Variants in NBEA observed in about 807,000 individuals in gnomAD.
The protein encoded by NBEA is neurobeachin.
A neutral mutation model predicts 343.4 loss-of-function variants in NBEA; 44 were observed. The observed-to-expected ratio is 0.13, with a 90% CI of 0.10 to 0.16. The LOEUF (loss-of-function observed/expected upper bound fraction) is 0.16, where lower values mean the gene tolerates loss of function less well. Ranked by LOEUF, NBEA falls within the 10% of genes least tolerant of loss-of-function variation. The pLI, the probability that NBEA is intolerant of heterozygous loss-of-function variation, is 1.00. For missense variants in NBEA, 2,555 were observed against 3,631.3 expected, an observed-to-expected ratio of 0.70 and a Z score of 7.62; for synonymous variants, 1,175 against 1,238.7, an observed-to-expected ratio of 0.95 and a Z score of 1.08.
intron 53 of NBEA, among the ~76,000 whole-genome samples, chr13:35,653,818 C>G (rs1308771273): frequency 6.6e-6 from 1 of 152,080 alleles, no homozygotes; most frequent in African/African-American, 2.4e-5. Flanking sequence ...TAGACATTGA[C>G]AATGAAATAT....
intron 38 of NBEA, among the ~76,000 whole-genome samples, chr13:35,392,280 A>C (rs956511441): frequency 6.6e-6 from 1 of 152,118 alleles, no homozygotes; most frequent in Non-Finnish European, 1.5e-5. Flanking sequence ...GAGAAATATT[A>C]TTGAAAATAA....
chr13:35,369,156 ATTTTTTT>A (rs36109768), intron 38 of NBEA, among the ~76,000 whole-genome samples: 1 of 128,320 alleles, frequency 7.8e-6, no homozygotes, highest in Admixed American at 8.1e-5. Flanking sequence ...TGCCAGCACC[ATTTTTTT>A]TTTTTTTTTT....
At chr13:35,646,060 C>T (rs2084214467) in intron 50 of NBEA, 129 bp downstream of exon 50, 3 of 723,670 alleles carry the variant, frequency 4.1e-6, no homozygotes, top group Non-Finnish European at 6.9e-6. Context: ...TTAACTGAAG[C>T]ATGTTTGGAA....
chr13:35,130,147 C>T (rs1421846714), intron 17 of NBEA, among the ~76,000 whole-genome samples: 1 of 152,082 alleles, frequency 6.6e-6, no homozygotes, highest in Admixed American at 6.6e-5. Context: ...GTGGGGAAAG[C>T]TGTGTATATG....
chr13:35,596,282 A>G (rs745830206), intron 47 of NBEA, among the ~76,000 whole-genome samples: 2 of 152,160 alleles, frequency 1.3e-5, no homozygotes, highest in Non-Finnish European at 2.9e-5. Context: ...TTATCAGAGA[A>G]AAATATGTTG....
chr13:35,622,872 C>CT (rs964919712), intron 48 of NBEA, among the ~76,000 whole-genome samples: 2 of 151,790 alleles, frequency 1.3e-5, no homozygotes, highest in African/African-American at 2.4e-5. Context: ...AGTCTACTTT[C>CT]TTTTTTTTCA....
chr13:35,537,571 G>C (rs2078622165), intron 41 of NBEA, among the ~76,000 whole-genome samples: 1 of 152,130 alleles, frequency 6.6e-6, no homozygotes, highest in African/African-American at 2.4e-5. Context: ...GCTGTGAAGA[G>C]AACTTGTCTC....
intron 46 of NBEA, among the ~76,000 whole-genome samples, chr13:35,591,372 T>G (rs546287599): frequency 6.6e-6 from 1 of 152,218 alleles, no homozygotes; most frequent in South Asian, 2.1e-4. Flanking sequence ...TTTTTAATAG[T>G]GAATTAAACA....
chr13:35,612,555 G>T (rs1409849676), intron 48 of NBEA, among the ~76,000 whole-genome samples: 1 of 152,158 alleles, frequency 6.6e-6, no homozygotes, highest in Non-Finnish European at 1.5e-5. Flanking sequence ...TATAGACACA[G>T]AATTTGTGTT....
intron 44 of NBEA, among the ~76,000 whole-genome samples, chr13:35,560,330 ATGATT>A (rs2079803123): frequency 6.6e-6 from 1 of 152,190 alleles, no homozygotes; most frequent in Non-Finnish European, 1.5e-5. Flanking sequence ...TAAATAATTA[ATGATT>A]TAAAACAATT....
rs201825658 is a variant in NBEA at position 35,475,818 on chromosome 13, C to T, written c.6585+3282C>T. ...ATTCCACCCAGAGGGACATGCTCCT[C>T]TTGCGCCCGTCGCTCAACTTCAGCA... On this transcript the variant is annotated intron_variant, in intron 41 of 58. Coordinates refer to ENST00000379939, the MANE Select transcript of NBEA (RefSeq NM_001385012.1). 1.4e-5 allele frequency: 23 copies of T among 1,614,084 alleles called. No homozygotes were observed. The East Asian group carries it at 4.5e-4, about 31-fold the overall frequency.
chr13:35,371,186 T>C (rs1459836642), intron 38 of NBEA, among the ~76,000 whole-genome samples: 2 of 152,148 alleles, frequency 1.3e-5, no homozygotes, highest in Non-Finnish European at 2.9e-5. Flanking sequence ...ATCCAGCTAT[T>C]ATTTTCTTAA....
chr13:35,128,210 A>G (rs758496920), intron 17 of NBEA, among the ~76,000 whole-genome samples: 22 of 152,036 alleles, frequency 1.4e-4, no homozygotes, highest in African/African-American at 4.6e-4. Flanking sequence ...CATTGTGCAC[A>G]TGTACCCTAA....
At chr13:34,995,321 G>A (rs779757739) in intron 1 of NBEA, among the ~76,000 whole-genome samples, 3 of 151,896 alleles carry the variant, frequency 2.0e-5, no homozygotes, top group Admixed American at 1.3e-4. Flanking sequence ...GCCTGGCATG[G>A]TGGCATGCAC....
At chr13:35,417,849 A>G (rs1244633714) in intron 38 of NBEA, among the ~76,000 whole-genome samples, 1 of 152,128 alleles carries the variant, frequency 6.6e-6, no homozygotes. Context: ...AAAATCTCCC[A>G]TTATTATTGT....
intron 1 of NBEA, among the ~76,000 whole-genome samples, chr13:34,968,533 A>G (rs1474421004): frequency 6.6e-6 from 1 of 152,158 alleles, no homozygotes; most frequent in African/African-American, 2.4e-5. Context: ...AAGACCAAAT[A>G]TATTTTAAAT....
chr13:35,045,273 C>T (rs1188782601), intron 3 of NBEA, 33 bp from the exon 4 acceptor site: 1 of 1,540,918 alleles, frequency 6.5e-7, no homozygotes. Context: ...TAAATTTGTA[C>T]AATGACATTT....
intron 38 of NBEA, among the ~76,000 whole-genome samples, chr13:35,382,710 A>G (rs1295869979): frequency 2.6e-5 from 4 of 152,152 alleles, no homozygotes; most frequent in African/African-American, 7.2e-5. Flanking sequence ...ACATTTTCCA[A>G]AAAGTGTATT....
At chr13:35,053,709 T>G (rs563247652) in intron 6 of NBEA, among the ~76,000 whole-genome samples, 2 of 152,156 alleles carry the variant, frequency 1.3e-5, no homozygotes, top group African/African-American at 4.8e-5. Context: ...ATAATCAATT[T>G]TAGCATAAAC....
Sources: allele counts gnomAD v4.1 joint callset (sites outside exome capture counted in the v4.1 genomes callset), GRCh38; gene constraint gnomAD v4.1.1; transcripts MANE v1.5; gene names NCBI Gene and HGNC (gene_info 2026-07-23, HGNC 2026-07-21).